MVB12B: variants seen among roughly 807,000 people sequenced by gnomAD.
MVB12B encodes the protein multivesicular body subunit 12B, also known as ESCRT-I complex subunit MVB12B.
MVB12B carries 16 observed loss-of-function variants against 41.6 expected under a neutral mutation model. The ratio of observed to expected loss-of-function variants is 0.38; its 90% CI spans 0.26 to 0.58. The LOEUF (loss-of-function observed/expected upper bound fraction) is 0.58. Ranked by LOEUF, MVB12B falls within the 20% of genes least tolerant of loss-of-function variation. MVB12B has a pLI of 0.62. For synonymous variants in MVB12B, 133 were observed against 139.7 expected, an observed-to-expected ratio of 0.95 and a Z score of 0.34; for missense variants, 274 against 380.2, an observed-to-expected ratio of 0.72 and a Z score of 2.32.
chr9:126,331,821 A>C (rs1349173844), intron 1 of MVB12B, among the ~76,000 whole-genome samples: 1 of 152,174 alleles, frequency 6.6e-6, no homozygotes, highest in East Asian at 1.9e-4. Flanking sequence ...AGCTAATAGC[A>C]TAAGGAGGCC....
intron 9 of MVB12B, among the ~76,000 whole-genome samples, chr9:126,500,483 C>T (rs1261637031): frequency 6.6e-6 from 1 of 152,156 alleles, no homozygotes; most frequent in Non-Finnish European, 1.5e-5. Context: ...TCCCAGGTTC[C>T]AGTGATTGGG....
chr9:126,400,035 G>A (rs1194776330), intron 6 of MVB12B, among the ~76,000 whole-genome samples: 1 of 152,186 alleles, frequency 6.6e-6, no homozygotes, highest in Non-Finnish European at 1.5e-5. Context: ...TGGGTGTGTG[G>A]AGTACAGCCT....
chr9:126,398,495 G>T (rs1006594474), intron 6 of MVB12B, among the ~76,000 whole-genome samples: 1 of 152,244 alleles, frequency 6.6e-6, no homozygotes, highest in East Asian at 1.9e-4. Context: ...TTTCCCTCAA[G>T]TCTTTTTCTT....
intron 1 of MVB12B, among the ~76,000 whole-genome samples, chr9:126,338,002 T>G (rs1428771316): frequency 6.6e-6 from 1 of 152,070 alleles, no homozygotes; most frequent in Non-Finnish European, 1.5e-5. Flanking sequence ...AGTCAGAAAA[T>G]ATGTAATTCA....
chr9:126,501,094 G>T (rs1259448201), intron 9 of MVB12B, among the ~76,000 whole-genome samples: 1 of 152,242 alleles, frequency 6.6e-6, no homozygotes, highest in Non-Finnish European at 1.5e-5. Flanking sequence ...CTTTGGCGCA[G>T]CTCCCCCTCC....
chr9:126,496,473 A>G (rs960429472), intron 9 of MVB12B, among the ~76,000 whole-genome samples: 1 of 100,428 alleles, frequency 1.0e-5, no homozygotes, highest in African/African-American at 4.1e-5. Flanking sequence ...CCCACTGTTC[A>G]CTCATTCCTG....
rs1833349881 is a variant in MVB12B, at chr9:126,473,084, A to G, written c.758-8285A>G. Among the ~76,000 whole-genome samples the G allele has an allele frequency of 6.6e-6, 1 of 152,204 alleles. No individual in the cohort carries two copies. The highest frequency in any genetic ancestry group is 2.4e-5 in the African/African-American group (1 of 41,448). Reference sequence around the variant, plus strand: ...CAGGGTTAGGTGACCAGCCCTCCCTACGTGGTGGGTGCTTTATCTCTGTCG... The same window carrying G: ...CAGGGTTAGGTGACCAGCCCTCCCTGCGTGGTGGGTGCTTTATCTCTGTCG... On this transcript the variant is annotated intron_variant, in intron 7 of 9. Transcript: ENST00000361171. The surrounding 1 kb of genome is among the most constrained non-coding windows in gnomAD (Gnocchi z 4.0).
At chr9:126,375,150 G>A (rs943653999) in intron 2 of MVB12B, among the ~76,000 whole-genome samples, 7 of 151,918 alleles carry the variant, frequency 4.6e-5, no homozygotes, top group Non-Finnish European at 1.0e-4. Flanking sequence ...AATTTTTGGT[G>A]GATTAATGCT....
At chr9:126,493,356 G>A (rs1833773131) in intron 9 of MVB12B, among the ~76,000 whole-genome samples, 1 of 152,168 alleles carries the variant, frequency 6.6e-6, no homozygotes, top group Admixed American at 6.5e-5. Flanking sequence ...TCATATGTAA[G>A]TGGATCAGTG....
At chr9:126,379,804 G>C (rs922718926) in intron 2 of MVB12B, among the ~76,000 whole-genome samples, 3 of 152,150 alleles carry the variant, frequency 2.0e-5, no homozygotes, top group Non-Finnish European at 4.4e-5. Flanking sequence ...CCTGGCTCCC[G>C]CCTCCGCCCT....
At chr9:126,422,258 C>G (rs1248425120) in intron 7 of MVB12B, among the ~76,000 whole-genome samples, 1 of 152,208 alleles carries the variant, frequency 6.6e-6, no homozygotes, top group East Asian at 1.9e-4. Flanking sequence ...GGGCAGGCTT[C>G]CCACGGGGCC....
At position 126,503,681 on chromosome 9, in the gene MVB12B, C is replaced by T. The variant is rs534122144; in HGVS notation, c.*418C>T. ...CCCCACTAAGCCGTTGAGTCTCTTCCTGGAAGACCCTGAGGGCCGGCAGCT... is the reference window on the plus strand; with the variant it reads ...CCCCACTAAGCCGTTGAGTCTCTTCTTGGAAGACCCTGAGGGCCGGCAGCT... On this transcript the variant is annotated 3_prime_UTR_variant, in exon 10 of 10. Transcript: ENST00000361171. 4.3e-5 allele frequency: 9 copies of T among 207,530 alleles called. No homozygotes were observed. In the East Asian group the frequency reaches 1.1e-3, roughly 26 times the overall value. The allele number at this position is 207,530 out of a possible 1,614,324, so 12.9% of individuals were successfully genotyped here.
intron 6 of MVB12B, among the ~76,000 whole-genome samples, chr9:126,399,539 C>T (rs1318708019): frequency 6.6e-6 from 1 of 152,174 alleles, no homozygotes; most frequent in Non-Finnish European, 1.5e-5. Context: ...TTCCTGGCCT[C>T]TATCAGAGCA....
intron 6 of MVB12B, among the ~76,000 whole-genome samples, chr9:126,413,981 G>C (rs1019238450): frequency 6.6e-6 from 1 of 152,152 alleles, no homozygotes. Context: ...AGCTGCCTGG[G>C]CAGAACCATC....
At position 126,389,809 on chromosome 9, in the gene MVB12B, G is replaced by A. The variant is rs1034033027; in HGVS notation, c.410-2257G>A. On this transcript the variant is annotated intron_variant, in intron 4 of 9. Transcript: ENST00000361171. This position sits in a 1 kb window ranked among gnomAD's most constrained non-coding sequence, Gnocchi z 4.4. ...GTCACACAGGAGGGTGGGCAGCAGG[G>A]GCCTCTTCATTTCCAGTTCTAGGAT... Among the ~76,000 whole-genome samples, 1 of 152,048 alleles carries A rather than the reference G, an allele frequency of 6.6e-6. No individual in the cohort carries two copies. Among genetic ancestry groups the A allele is most frequent in the African/African-American group, 2.4e-5 (1 of 41,388 alleles).
In MVB12B at chr9:126,397,574, A is replaced by G. The variant is rs149816105; in HGVS notation, c.662+1877A>G. 217 of 985,374 alleles carry G rather than the reference A, an allele frequency of 2.2e-4. No homozygotes were observed. In the Middle Eastern group the frequency reaches 6.8e-3, roughly 31 times the overall value. 61.0% of individuals were successfully genotyped at this position (985,374 alleles called of 1,614,324 possible). A position where few individuals can be genotyped will look rare whatever the true frequency, so the allele number is the denominator to read the frequency against. On this transcript the variant is annotated intron_variant, in intron 6 of 9. Coordinates refer to ENST00000361171, the MANE Select transcript of MVB12B (RefSeq NM_033446.3). Reference sequence around the variant, plus strand: ...TAATTTGGCTGAGTTAAGTCAGCCAATATGCAACAGGATAATTGAATGTTC... The same window carrying G: ...TAATTTGGCTGAGTTAAGTCAGCCAGTATGCAACAGGATAATTGAATGTTC...
At chr9:126,338,572 T>G (rs531478334) in intron 1 of MVB12B, among the ~76,000 whole-genome samples, 1 of 92,906 alleles carries the variant, frequency 1.1e-5, no homozygotes, top group Non-Finnish European at 2.2e-5. Context: ...GGCCATACTA[T>G]CTTAAAAAAA....
At chr9:126,457,731 G>A (rs1030405337) in intron 7 of MVB12B, among the ~76,000 whole-genome samples, 4 of 152,044 alleles carry the variant, frequency 2.6e-5, no homozygotes, top group African/African-American at 9.7e-5. Context: ...ATAGGGACGC[G>A]TCGCCTGTCG....
intron 6 of MVB12B, among the ~76,000 whole-genome samples, chr9:126,402,467 G>A (rs1214953720): frequency 6.6e-6 from 1 of 152,016 alleles, no homozygotes; most frequent in Admixed American, 6.6e-5. Flanking sequence ...GCAAAACCCC[G>A]TCTCTACAAA....
Sources: allele counts gnomAD v4.1 joint callset (sites outside exome capture counted in the v4.1 genomes callset), GRCh38; gene constraint gnomAD v4.1.1; non-coding constraint Gnocchi (gnomAD v3.1); transcripts MANE v1.5; gene names NCBI Gene and HGNC (gene_info 2026-07-23, HGNC 2026-07-21).